Variants in CAMK2A observed in about 807,000 individuals in gnomAD.
CAMK2A encodes calcium/calmodulin dependent protein kinase II alpha, also known as calcium/calmodulin-dependent protein kinase type II subunit alpha.
CAMK2A carries 7 observed loss-of-function variants against 79.2 expected under a neutral mutation model. The observed-to-expected ratio is 0.09, with a 90% CI of 0.05 to 0.17. CAMK2A has a LOEUF of 0.17. Among genes scored for constraint, CAMK2A ranks in the 10% least tolerant of loss-of-function variants. CAMK2A has a pLI of 1.00. For synonymous variants in CAMK2A, 242 were observed against 251.7 expected (o/e 0.96, Z 0.36); for missense variants, 214 against 646.4 (o/e 0.33, Z 7.25).
At position 150,220,931 on chromosome 5, in the gene CAMK2A, G is replaced by C. The variant is rs1344107976; in HGVS notation, c.*1779C>G. ...CGGATCAAACATCCTCACCAGTTCT[G>C]CTCCAACCAACACCCAGGAGGGTCG... On this transcript the variant is annotated 3_prime_UTR_variant, in exon 19 of 19. Coordinates refer to ENST00000671881, the MANE Select transcript of CAMK2A (RefSeq NM_015981.4). 6.6e-6 allele frequency: 1 copy of C among 152,396 alleles called. No individual in the cohort carries two copies. The highest frequency in any genetic ancestry group is 1.5e-5 in the Non-Finnish European group (1 of 68,098). The allele number at this position is 152,396 out of a possible 1,614,324, so 9.4% of individuals were successfully genotyped here.
chr5:150,257,531 G>T, intron 4 of CAMK2A, 32 bp downstream of exon 4: 1 of 1,549,196 alleles, frequency 6.5e-7, no homozygotes, highest in Non-Finnish European at 8.7e-7. Flanking sequence ...CCCCAACACC[G>T]TTGGCGCATC....
rs1193624323 is a variant in CAMK2A, at chr5:150,284,537, G to A, written c.62+5027C>T. Among the ~76,000 whole-genome samples, 2 of 152,122 alleles carry A rather than the reference G, an allele frequency of 1.3e-5. No individual in the cohort carries two copies. The highest frequency in any genetic ancestry group is 2.9e-5 in the Non-Finnish European group (2 of 68,022). On this transcript the variant is annotated intron_variant, in intron 1 of 18. Coordinates refer to ENST00000671881, the MANE Select transcript of CAMK2A (RefSeq NM_015981.4). This position sits in a 1 kb window ranked among gnomAD's most constrained non-coding sequence, Gnocchi z 5.3. ...GGGAGGCTCAGCAGAGTGTCAGTGTGTCTCAGCCTGTGTGGGGGCGGCTGC... is the reference window on the plus strand; with the variant it reads ...GGGAGGCTCAGCAGAGTGTCAGTGTATCTCAGCCTGTGTGGGGGCGGCTGC...
At chr5:150,227,924 G>A (rs1754673539) in intron 17 of CAMK2A, among the ~76,000 whole-genome samples, 1 of 152,142 alleles carries the variant, frequency 6.6e-6, no homozygotes. Context: ...TCATGGGCAG[G>A]AGAGGCCTGG....
chr5:150,280,073 C>T (rs1431676697), intron 1 of CAMK2A, among the ~76,000 whole-genome samples: 1 of 152,184 alleles, frequency 6.6e-6, no homozygotes, highest in Non-Finnish European at 1.5e-5. Context: ...TCAGTTTCCT[C>T]ATTTGAAAGA....
At position 150,256,406 on chromosome 5, in the gene CAMK2A, C is replaced by T. The variant is rs1403766286; in HGVS notation, c.411+167G>A. 6.6e-6 allele frequency among the ~76,000 whole-genome samples: 1 copy of T among 152,218 alleles called. No individual in the cohort carries two copies. The highest frequency in any genetic ancestry group is 2.4e-5 in the African/African-American group (1 of 41,460). Reference sequence around the variant, plus strand: ...CACAGACGCTCTACCTTCCTGAGCTCTGCTTCCTCATCTGAACAGTGGGGA... The same window carrying T: ...CACAGACGCTCTACCTTCCTGAGCTTTGCTTCCTCATCTGAACAGTGGGGA... On this transcript the variant is annotated intron_variant, in intron 6 of 18. Transcript: ENST00000671881. The surrounding 1 kb of genome is among the most constrained non-coding windows in gnomAD (Gnocchi z 4.6).
In CAMK2A at chr5:150,250,121, T is replaced by C. The variant is rs1580921771; in HGVS notation, c.900+105A>G. 91 of 847,464 alleles carry C rather than the reference T, an allele frequency of 1.1e-4. 1 individual carries two copies. In the East Asian group the frequency reaches 2.3e-3, roughly 21 times the overall value. 52.5% of individuals were successfully genotyped at this position (847,464 alleles called of 1,614,324 possible). A position where few individuals can be genotyped will look rare whatever the true frequency, so the allele number is the denominator to read the frequency against. On this transcript the variant is annotated intron_variant, in intron 11 of 18. Transcript: ENST00000671881. ...CAGTAGGTGTTCAATAAATGCTTATTGAATCAATGAAGGAAAGAATTAGTG... is the reference window on the plus strand; with the variant it reads ...CAGTAGGTGTTCAATAAATGCTTATCGAATCAATGAAGGAAAGAATTAGTG...
chr5:150,267,665 C>A (rs1010804674), intron 2 of CAMK2A, among the ~76,000 whole-genome samples: 3 of 152,110 alleles, frequency 2.0e-5, no homozygotes. Flanking sequence ...TTTTCATTTT[C>A]CAATATACAG....
intron 3 of CAMK2A, among the ~76,000 whole-genome samples, chr5:150,260,855 C>T (rs147216125): frequency 5.9e-5 from 9 of 152,348 alleles, no homozygotes; most frequent in African/African-American, 2.2e-4. Flanking sequence ...CCTCTCCCTG[C>T]CTTCCTCCAC....
chr5:150,260,963 G>A (rs1756282344), intron 3 of CAMK2A, among the ~76,000 whole-genome samples: 1 of 152,150 alleles, frequency 6.6e-6, no homozygotes. Context: ...AAGCCAAGCT[G>A]CAGCTAGAAT....
chr5:150,253,235 G>T (rs757480974), intron 7 of CAMK2A, among the ~76,000 whole-genome samples: 3 of 152,202 alleles, frequency 2.0e-5, no homozygotes, highest in Non-Finnish European at 4.4e-5. Flanking sequence ...GTGGAAGGCC[G>T]TAGGGTCCCA....
At chr5:150,248,428 T>C (rs1755672756) in intron 11 of CAMK2A, among the ~76,000 whole-genome samples, 1 of 151,662 alleles carries the variant, frequency 6.6e-6, no homozygotes, top group Non-Finnish European at 1.5e-5. Context: ...GTTGGTGTGC[T>C]GCACCCATTA....
At chr5:150,264,829 T>C in intron 3 of CAMK2A, 127 bp downstream of exon 3, 1 of 715,166 alleles carries the variant, frequency 1.4e-6, no homozygotes, top group Non-Finnish European at 2.5e-6. Flanking sequence ...CTTTCCCATC[T>C]CTGCTGCCTC....
Position 150,221,292 on chromosome 5 carries a change from G to A in CAMK2A, c.*1418C>T, listed in dbSNP as rs113163901. On this transcript the variant is annotated 3_prime_UTR_variant, in exon 19 of 19. Coordinates refer to ENST00000671881, the MANE Select transcript of CAMK2A (RefSeq NM_015981.4). Reference sequence around the variant, plus strand: ...ACTCAGAGTCAATCCCAGGGAAAGAGGGAAAGAGGAAAAGAAAGAGAGAAT... The same window carrying A: ...ACTCAGAGTCAATCCCAGGGAAAGAAGGAAAGAGGAAAAGAAAGAGAGAAT... The A allele has an allele frequency of 2.3e-3, 923 of 397,742 alleles. 2 individuals are homozygous for A. The highest frequency in any genetic ancestry group is 3.3e-3 in the Non-Finnish European group (738 of 225,764). 24.6% of individuals were successfully genotyped at this position (397,742 alleles called of 1,614,324 possible).
chr5:150,289,050 G>A (rs1757553935), intron 1 of CAMK2A, among the ~76,000 whole-genome samples: 1 of 152,188 alleles, frequency 6.6e-6, no homozygotes, highest in Non-Finnish European at 1.5e-5. Flanking sequence ...GAAAGGGGAG[G>A]TAGGGAGGGA....
At chr5:150,288,552 G>C (rs1321714170) in intron 1 of CAMK2A, among the ~76,000 whole-genome samples, 1 of 152,106 alleles carries the variant, frequency 6.6e-6, no homozygotes, top group Non-Finnish European at 1.5e-5. Flanking sequence ...ATGCACACTA[G>C]TACACACACA....
Position 150,253,561 on chromosome 5 carries a change from A to G in CAMK2A, c.412-15T>C. ...AGATTCTCAGGCTTGTCAGGACCAG[A>G]GAAGAGGGAGGAAGGGGAGGAAAGC... On this transcript the variant is annotated splice_polypyrimidine_tract_variant and intron_variant, in intron 6 of 18. Transcript: ENST00000671881. 1 of 1,603,746 alleles carries G rather than the reference A, an allele frequency of 6.2e-7. No homozygotes were observed.
At chr5:150,278,789 G>A (rs187175548) in intron 1 of CAMK2A, among the ~76,000 whole-genome samples, 8 of 152,314 alleles carry the variant, frequency 5.3e-5, no homozygotes, top group South Asian at 2.1e-4. Flanking sequence ...GGCCATAGGC[G>A]TGTATTGGCA....
chr5:150,252,676 A>G (rs1044359608), intron 7 of CAMK2A, among the ~76,000 whole-genome samples: 1 of 152,206 alleles, frequency 6.6e-6, no homozygotes, highest in African/African-American at 2.4e-5. Context: ...AGGTATTCTA[A>G]CAAGCACTTT....
chr5:150,258,439 A>G (rs968350246), intron 3 of CAMK2A, among the ~76,000 whole-genome samples: 2 of 152,242 alleles, frequency 1.3e-5, no homozygotes, highest in African/African-American at 4.8e-5. Flanking sequence ...TCATCCGCAC[A>G]ATGGAAAATG....
Sources: gnomAD v4.1 joint callset for allele counts (sites outside exome capture counted in the v4.1 genomes callset) on GRCh38, gnomAD v4.1.1 for gene constraint, Gnocchi (gnomAD v3.1) non-coding constraint, MANE v1.5 for transcripts, NCBI Gene and HGNC (gene_info 2026-07-23, HGNC 2026-07-21) for gene names.